Variants in MEGF9 observed in about 807,000 individuals in gnomAD.
MEGF9 encodes multiple EGF like domains 9.
A neutral mutation model predicts 46.8 loss-of-function variants in MEGF9; 6 were observed. The ratio of observed to expected loss-of-function variants is 0.13; its 90% CI spans 0.07 to 0.25. The LOEUF is 0.25. Among genes scored for constraint, MEGF9 ranks in the 10% least tolerant of loss-of-function variants. The pLI is 1.00. For synonymous variants in MEGF9, 302 were observed against 330.7 expected (o/e 0.91, Z 0.94); for missense variants, 683 against 792.4 (o/e 0.86, Z 1.66).
intron 3 of MEGF9, among the ~76,000 whole-genome samples, chr9:120,615,373 C>A (rs1428478291): frequency 6.6e-6 from 1 of 150,842 alleles, no homozygotes; most frequent in Non-Finnish European, 1.5e-5. Flanking sequence ...TATATGTTTA[C>A]TATTTTGGGG....
chr9:120,643,560 G>A (rs1257289936), intron 2 of MEGF9, among the ~76,000 whole-genome samples: 1 of 152,064 alleles, frequency 6.6e-6, no homozygotes, highest in Non-Finnish European at 1.5e-5. Flanking sequence ...AAATAATACT[G>A]TCTATACTCC....
chr9:120,615,886 C>G (rs1261125152), intron 3 of MEGF9, among the ~76,000 whole-genome samples: 2 of 151,474 alleles, frequency 1.3e-5, no homozygotes, highest in Non-Finnish European at 2.9e-5. Context: ...AGAGCGAGAC[C>G]CTGTCTCAGA....
chr9:120,619,132 G>A (rs2043486635), intron 3 of MEGF9, among the ~76,000 whole-genome samples: 1 of 151,920 alleles, frequency 6.6e-6, no homozygotes, highest in Admixed American at 6.6e-5. Flanking sequence ...GATCACCTGA[G>A]GTCAGGAGTT....
intron 1 of MEGF9, among the ~76,000 whole-genome samples, chr9:120,671,590 T>C (rs576535536): frequency 6.6e-6 from 1 of 152,344 alleles, no homozygotes; most frequent in South Asian, 2.1e-4. Context: ...AATGGTCCTA[T>C]ACCTATTAAA....
At chr9:120,629,751 T>C (rs552134448) in intron 2 of MEGF9, among the ~76,000 whole-genome samples, 1 of 152,148 alleles carries the variant, frequency 6.6e-6, no homozygotes, top group East Asian at 1.9e-4. Flanking sequence ...CTGGACAATA[T>C]GGTGAAACCC....
At chr9:120,659,905 T>G (rs947181128) in intron 1 of MEGF9, among the ~76,000 whole-genome samples, 1 of 150,738 alleles carries the variant, frequency 6.6e-6, no homozygotes, top group Non-Finnish European at 1.5e-5. Context: ...TGACAACATG[T>G]TAAATAATAA....
intron 1 of MEGF9, among the ~76,000 whole-genome samples, chr9:120,680,742 C>T (rs1044318478): frequency 1.3e-5 from 2 of 152,102 alleles, no homozygotes; most frequent in Admixed American, 6.6e-5. Flanking sequence ...AGCTGGCACT[C>T]GCGCCACAAT....
At chr9:120,680,528 G>A (rs190727982) in intron 1 of MEGF9, among the ~76,000 whole-genome samples, 11 of 152,220 alleles carry the variant, frequency 7.2e-5, no homozygotes, top group African/African-American at 1.7e-4. Context: ...GTGTGGTAAC[G>A]CATGCACCCC....
intron 2 of MEGF9, among the ~76,000 whole-genome samples, chr9:120,655,261 G>GT (rs2043671157): frequency 6.6e-6 from 1 of 152,060 alleles, no homozygotes; most frequent in Non-Finnish European, 1.5e-5. Flanking sequence ...CAGGTGTGCC[G>GT]TTTTTATCTT....
chr9:120,683,069 A>C (rs2043805677), intron 1 of MEGF9, among the ~76,000 whole-genome samples: 1 of 152,128 alleles, frequency 6.6e-6, no homozygotes, highest in Non-Finnish European at 1.5e-5. Flanking sequence ...ACATATTAGA[A>C]AGGTATATTA....
chr9:120,638,123 TG>T, intron 2 of MEGF9, among the ~76,000 whole-genome samples: 1 of 152,144 alleles, frequency 6.6e-6, no homozygotes, highest in South Asian at 2.1e-4. Context: ...CCCTCTGAGT[TG>T]CTAGGACTAT....
intron 1 of MEGF9, among the ~76,000 whole-genome samples, chr9:120,676,274 C>A (rs1195447101): frequency 6.6e-6 from 1 of 152,136 alleles, no homozygotes; most frequent in Admixed American, 6.6e-5. Context: ...ACAAAAAAAA[C>A]TTCAATTTTC....
intron 3 of MEGF9, among the ~76,000 whole-genome samples, chr9:120,619,097 C>T (rs1306756120): frequency 6.6e-6 from 1 of 151,880 alleles, no homozygotes. Context: ...TGTAATCCCA[C>T]CACTTTAGGA....
At chr9:120,669,502 C>T (rs551412342) in intron 1 of MEGF9, among the ~76,000 whole-genome samples, 2 of 151,164 alleles carry the variant, frequency 1.3e-5, no homozygotes, top group East Asian at 1.9e-4. Context: ...AGATGAAGCA[C>T]GTAAATACTA....
chr9:120,619,637 CCTAA>C (rs2132302789), intron 3 of MEGF9, among the ~76,000 whole-genome samples: 2 of 152,258 alleles, frequency 1.3e-5, no homozygotes, highest in African/African-American at 4.8e-5. Flanking sequence ...AATTGGGTTG[CCTAA>C]CTTTTTAAAA....
At chr9:120,618,532 G>A (rs997530946) in intron 3 of MEGF9, among the ~76,000 whole-genome samples, 5 of 152,078 alleles carry the variant, frequency 3.3e-5, no homozygotes, top group Non-Finnish European at 5.9e-5. Flanking sequence ...TAAGGGAAAC[G>A]TGCTTAATAA....
intron 1 of MEGF9, among the ~76,000 whole-genome samples, chr9:120,685,159 T>G (rs2043816819): frequency 6.6e-6 from 1 of 152,216 alleles, no homozygotes; most frequent in South Asian, 2.1e-4. Flanking sequence ...TTAAATGCGA[T>G]TTTGGAAGCA....
chr9:120,667,563 T>A (rs887733850), intron 1 of MEGF9, among the ~76,000 whole-genome samples: 2 of 152,110 alleles, frequency 1.3e-5, no homozygotes, highest in Non-Finnish European at 1.5e-5. Flanking sequence ...TTTCAATCTA[T>A]CTAATCTATC....
intron 1 of MEGF9, among the ~76,000 whole-genome samples, chr9:120,668,009 A>T (rs1418306434): frequency 6.6e-6 from 1 of 152,254 alleles, no homozygotes; most frequent in Non-Finnish European, 1.5e-5. Flanking sequence ...TGGGTGACAG[A>T]GCAAGACCCT....
Sources: gnomAD v4.1 joint callset for allele counts (sites outside exome capture counted in the v4.1 genomes callset) on GRCh38, gnomAD v4.1.1 for gene constraint, MANE v1.5 for transcripts, NCBI Gene and HGNC (gene_info 2026-07-23, HGNC 2026-07-21) for gene names.